The following SLCO2A1 variants were observed in gnomAD, a reference collection of about 807,000 sequenced individuals.
SLCO2A1 encodes the protein solute carrier organic anion transporter family member 2A1.
In SLCO2A1, 60 loss-of-function variants were observed where a neutral mutation model predicts 71.7. That is an observed-to-expected ratio of 0.84 (90% CI 0.68 to 1.04). The LOEUF (loss-of-function observed/expected upper bound fraction) is 1.04. Ranked by LOEUF, SLCO2A1 falls within the 50% of genes least tolerant of loss-of-function variation. The probability of loss-of-function intolerance (pLI) is 0.00; values close to 1 mark genes in which losing one functional copy is unlikely to be tolerated. For missense variants in SLCO2A1, 745 were observed against 813.4 expected, an observed-to-expected ratio of 0.92 and a Z score of 1.02; for synonymous variants, 308 against 326.7, an observed-to-expected ratio of 0.94 and a Z score of 0.62.
intron 1 of SLCO2A1, among the ~76,000 whole-genome samples, chr3:133,995,639 G>A (rs1218558511): frequency 6.6e-6 from 1 of 152,152 alleles, no homozygotes; most frequent in African/African-American, 2.4e-5. Flanking sequence ...CAACCACCAT[G>A]AGTGTTTAGG....
intron 1 of SLCO2A1, among the ~76,000 whole-genome samples, chr3:133,990,516 G>A (rs867969517): frequency 1.3e-5 from 2 of 152,026 alleles, no homozygotes; most frequent in Non-Finnish European, 2.9e-5. Context: ...AAAATATACC[G>A]AACCCTTCCT....
intron 1 of SLCO2A1, among the ~76,000 whole-genome samples, chr3:134,020,846 C>G (rs527272808): frequency 6.7e-6 from 1 of 149,682 alleles, no homozygotes; most frequent in Non-Finnish European, 1.5e-5. Context: ...CAGGACTGGT[C>G]GTGAGAACTT....
At chr3:133,942,872 C>T in intron 10 of SLCO2A1, 104 bp from the exon 11 acceptor site, 1 of 1,234,180 alleles carries the variant, frequency 8.1e-7, no homozygotes, top group African/African-American at 1.5e-5. Flanking sequence ...AGGTTTCAAC[C>T]CTTGTGTCCT....
rs1488456002 is a variant in SLCO2A1, at chr3:133,947,264, G to C, written c.1287C>G (p.Tyr429Ter). 6.2e-7 allele frequency: 1 copy of C among 1,613,968 alleles called. No individual in the cohort carries two copies. Among genetic ancestry groups the C allele is most frequent in the Non-Finnish European group, 8.5e-7 (1 of 1,179,948 alleles). Reference sequence around the variant, plus strand: ...CCCCTTATTCCCATTACCTAGGGGGGTAGACTTCGGCCACAGTTGGGGTGG... The same window carrying C: ...CCCCTTATTCCCATTACCTAGGGGGCTAGACTTCGGCCACAGTTGGGGTGG... ...GCSTPTVAEV[Y>*]PPSTSSSIHP... is the part of the protein sequence containing the mutation. Residue 429 changes from tyrosine to a stop codon, truncating the protein, a stop_gained, in exon 9 of 14, where the codon TAC becomes TAG. Transcript: ENST00000310926. LOFTEE classifies it high-confidence loss of function.
At chr3:134,008,590 C>A (rs892564510) in intron 1 of SLCO2A1, among the ~76,000 whole-genome samples, 4 of 152,208 alleles carry the variant, frequency 2.6e-5, no homozygotes, top group Admixed American at 2.6e-4. Context: ...CCCTAGTTAG[C>A]ACCTAGCAGA....
At chr3:133,960,222 T>C (rs147748230) in intron 3 of SLCO2A1, among the ~76,000 whole-genome samples, 139 of 152,230 alleles carry the variant, frequency 9.1e-4, no homozygotes, top group Non-Finnish European at 1.7e-3. Flanking sequence ...CCCCCAAAAA[T>C]TGAAAGCAAG....
intron 3 of SLCO2A1, among the ~76,000 whole-genome samples, chr3:133,956,749 A>G (rs1037119898): frequency 6.6e-6 from 1 of 152,246 alleles, no homozygotes; most frequent in Non-Finnish European, 1.5e-5. Context: ...ACAGAAAGAC[A>G]GCTGGAACAG....
intron 1 of SLCO2A1, among the ~76,000 whole-genome samples, chr3:134,021,459 T>G (rs1460056531): frequency 6.6e-6 from 1 of 152,100 alleles, no homozygotes; most frequent in African/African-American, 2.4e-5. Context: ...GCAGACCAGT[T>G]CCTGTACATA....
intron 3 of SLCO2A1, 44 bp from the exon 4 acceptor site, chr3:133,955,237 G>T (rs868108555): frequency 1.3e-6 from 2 of 1,543,196 alleles, no homozygotes; most frequent in Non-Finnish European, 1.8e-6. Flanking sequence ...CTGGTCTCCT[G>T]GTTCCACCGG....
chr3:134,015,338 C>T (rs183257859), intron 1 of SLCO2A1, among the ~76,000 whole-genome samples: 1 of 146,344 alleles, frequency 6.8e-6, no homozygotes, highest in Non-Finnish European at 1.5e-5. Flanking sequence ...AAGACAGGCA[C>T]AGAAAGACAA....
rs147726212 is a variant in SLCO2A1, at chr3:133,962,662, G to C, written c.398-7469C>G. Among the ~76,000 whole-genome samples, 435 of 152,212 alleles carry C rather than the reference G, an allele frequency of 2.9e-3. 2 individuals carry two copies. Among genetic ancestry groups the C allele is most frequent in the Admixed American group, 6.9e-3 (106 of 15,278 alleles). ...AAAGCTCCAGCCTTTTCAGGAACTC[G>C]GGCACACATTAGGAAGAAACAGCAA... On this transcript the variant is annotated intron_variant, in intron 3 of 13. Coordinates refer to ENST00000310926, the MANE Select transcript of SLCO2A1 (RefSeq NM_005630.3).
At position 133,935,644 on chromosome 3, in the gene SLCO2A1, G is replaced by C. The variant is rs56078520; in HGVS notation, c.1814+130C>G. On this transcript the variant is annotated intron_variant, in intron 13 of 13. Transcript: ENST00000310926. The stretch of plus-strand genomic sequence containing the variant: ...CCTGCTCCCTGTCCATGGCAGGGCC[G>C]CAGAGGTGGCCCTTCATGTTCTCTT... 4 of 1,077,298 alleles carry C rather than the reference G, an allele frequency of 3.7e-6. No individual in the cohort carries two copies. In the South Asian group the frequency reaches 1.1e-4, roughly 29 times the overall value. The allele number at this position is 1,077,298 out of a possible 1,614,324, so 66.7% of individuals were successfully genotyped here. A position where few individuals can be genotyped will look rare whatever the true frequency, so the allele number is the denominator to read the frequency against.
intron 13 of SLCO2A1, among the ~76,000 whole-genome samples, chr3:133,935,336 G>A (rs1012046989): frequency 6.6e-6 from 1 of 152,180 alleles, no homozygotes; most frequent in Non-Finnish European, 1.5e-5. Context: ...AGCTGGACTT[G>A]GCCCATTGAG....
chr3:133,940,138 T>C (rs943885309), intron 11 of SLCO2A1, among the ~76,000 whole-genome samples: 2 of 152,176 alleles, frequency 1.3e-5, no homozygotes, highest in Admixed American at 6.5e-5. Flanking sequence ...CGGCTAACTT[T>C]TGTAATTTTA....
At position 133,966,968 on chromosome 3, in the gene SLCO2A1, A is replaced by G. The variant is rs550933339; in HGVS notation, c.397+6695T>C. On this transcript the variant is annotated intron_variant, in intron 3 of 13. Coordinates refer to ENST00000310926, the MANE Select transcript of SLCO2A1 (RefSeq NM_005630.3). ...TCTGTGGGGCTTTCCCTCATTCTCAACACTGTTCCCAGGATGCCCAAAGCC... is the reference window on the plus strand; with the variant it reads ...TCTGTGGGGCTTTCCCTCATTCTCAGCACTGTTCCCAGGATGCCCAAAGCC... Among the ~76,000 whole-genome samples the G allele has an allele frequency of 7.2e-5, 11 of 152,216 alleles. No homozygotes were observed. In the East Asian group the frequency reaches 1.9e-3, roughly 27 times the overall value.
chr3:133,936,539 C>A (rs1051610784), intron 12 of SLCO2A1, among the ~76,000 whole-genome samples: 1 of 152,172 alleles, frequency 6.6e-6, no homozygotes. Flanking sequence ...AGGGGCTATG[C>A]CTTCCTGGCT....
chr3:134,011,622 C>A (rs550469586), intron 1 of SLCO2A1, among the ~76,000 whole-genome samples: 1 of 152,196 alleles, frequency 6.6e-6, no homozygotes, highest in Non-Finnish European at 1.5e-5. Context: ...TACCACCCTG[C>A]GGGGTGCAGC....
At chr3:133,954,781 T>A (rs1475072359) in intron 4 of SLCO2A1, among the ~76,000 whole-genome samples, 185 bp downstream of exon 4, 3 of 152,162 alleles carry the variant, frequency 2.0e-5, no homozygotes, top group Non-Finnish European at 4.4e-5. Context: ...TTGCCTCAGA[T>A]CACACAGCTG....
intron 1 of SLCO2A1, among the ~76,000 whole-genome samples, chr3:134,013,901 G>A (rs997328278): frequency 2.0e-5 from 3 of 151,886 alleles, no homozygotes; most frequent in East Asian, 1.9e-4. Flanking sequence ...CTCCCCTCAC[G>A]CACCTTGTCC....
Sources: gnomAD v4.1 joint callset for allele counts (sites outside exome capture counted in the v4.1 genomes callset) on GRCh38, gnomAD v4.1.1 for gene constraint, MANE v1.5 for transcripts, NCBI Gene and HGNC (gene_info 2026-07-23, HGNC 2026-07-21) for gene names.